Variants in CHN2 observed in about 807,000 individuals in gnomAD.
The protein encoded by CHN2 is beta-chimaerin.
In CHN2, 35 loss-of-function variants were observed where a neutral mutation model predicts 56.3. That is an observed-to-expected ratio of 0.62 (90% confidence interval 0.47 to 0.82). CHN2 has a LOEUF of 0.82. CHN2 is among the 40% of genes least tolerant of loss of function. CHN2 has a pLI of 0.00. For synonymous variants in CHN2, 210 were observed against 212.8 expected (o/e 0.99, Z 0.12); for missense variants, 491 against 580.5 (o/e 0.85, Z 1.58).
intron 1 of CHN2, among the ~76,000 whole-genome samples, chr7:29,255,981 C>T (rs753973402): frequency 1.3e-5 from 2 of 152,196 alleles, no homozygotes; most frequent in Non-Finnish European, 1.5e-5. Context: ...GTAACTTAAT[C>T]CAATTTACCT....
chr7:29,388,799 G>A (rs1801136387), intron 3 of CHN2, among the ~76,000 whole-genome samples: 1 of 152,196 alleles, frequency 6.6e-6, no homozygotes, highest in African/African-American at 2.4e-5. Flanking sequence ...AGACCATTGG[G>A]CTGAAAACAT....
chr7:29,479,785 C>A, intron 6 of CHN2: 1 of 1,206,524 alleles, frequency 8.3e-7, no homozygotes, highest in Non-Finnish European at 1.0e-6. Flanking sequence ...CAGGAGAAAG[C>A]AGGCTGCCGG....
chr7:29,395,297 C>T (rs1367806849), intron 4 of CHN2, among the ~76,000 whole-genome samples: 4 of 152,162 alleles, frequency 2.6e-5, no homozygotes, highest in African/African-American at 9.7e-5. Context: ...CCAGGGAAGG[C>T]AGATCACTTG....
intron 1 of CHN2, among the ~76,000 whole-genome samples, chr7:29,293,209 G>A (rs1792787131): frequency 6.6e-6 from 1 of 152,146 alleles, no homozygotes; most frequent in South Asian, 2.1e-4. Flanking sequence ...CCATTCACTG[G>A]TCCATTAAAT....
chr7:29,253,082 T>C (rs543802198), intron 1 of CHN2, among the ~76,000 whole-genome samples: 1 of 152,274 alleles, frequency 6.6e-6, no homozygotes, highest in East Asian at 1.9e-4. Context: ...AGTTAGAGAC[T>C]GAGTTTCAGT....
intron 1 of CHN2, among the ~76,000 whole-genome samples, chr7:29,210,565 G>A (rs550958890): frequency 3.5e-4 from 53 of 151,940 alleles, no homozygotes; most frequent in South Asian, 2.7e-3. Flanking sequence ...AATACAGACA[G>A]ACAATAAACC....
chr7:29,339,994 G>A (rs543811167), intron 1 of CHN2, among the ~76,000 whole-genome samples: 1 of 152,298 alleles, frequency 6.6e-6, no homozygotes, highest in East Asian at 1.9e-4. Context: ...AAGTGTGACT[G>A]TAAGTGGATA....
At chr7:29,438,428 TA>T (rs1471437589) in intron 6 of CHN2, among the ~76,000 whole-genome samples, 1 of 152,256 alleles carries the variant, frequency 6.6e-6, no homozygotes, top group Non-Finnish European at 1.5e-5. Context: ...AAATCATTTT[TA>T]ATGGCTGCGT....
Position 29,297,226 on chromosome 7 carries a change from G to A in CHN2, c.50-57399G>A, listed in dbSNP as rs1330572049. 2.6e-5 allele frequency among the ~76,000 whole-genome samples: 4 copies of A among 152,290 alleles called. No homozygotes were observed. In the East Asian group the frequency reaches 7.7e-4, roughly 29 times the overall value. ...CAGGTTCCACCCTGGAACAGGAGGG[G>A]CCAGGCTCCTCGCCCCTGCAAAGGG... On this transcript the variant is annotated intron_variant, in intron 1 of 12. Transcript: ENST00000222792.
intron 3 of CHN2, among the ~76,000 whole-genome samples, chr7:29,388,304 T>C (rs1399279431): frequency 6.6e-6 from 1 of 152,146 alleles, no homozygotes; most frequent in Non-Finnish European, 1.5e-5. Flanking sequence ...CAAATAAATA[T>C]TTAAAATATG....
chr7:29,274,969 C>T (rs1791065266), intron 1 of CHN2, among the ~76,000 whole-genome samples: 1 of 152,038 alleles, frequency 6.6e-6, no homozygotes, highest in Non-Finnish European at 1.5e-5. Context: ...GGTGACTATG[C>T]CACCATAGCA....
intron 6 of CHN2, 133 bp downstream of exon 6, chr7:29,400,961 G>A: frequency 2.3e-6 from 2 of 860,436 alleles, no homozygotes; most frequent in African/African-American, 1.7e-5. Context: ...GAATGTTAGG[G>A]CCAAAGGGAC....
Position 29,235,645 on chromosome 7 carries a change from A to T in CHN2, c.49+40655A>T, listed in dbSNP as rs575793787. Reference sequence around the variant, plus strand: ...AGACATGGAATCAATGTAGATGTCTATCAACAGCAAACTGGATAAAGAAAA... The same window carrying T: ...AGACATGGAATCAATGTAGATGTCTTTCAACAGCAAACTGGATAAAGAAAA... On this transcript the variant is annotated intron_variant, in intron 1 of 12. Coordinates refer to ENST00000222792, the MANE Select transcript of CHN2 (RefSeq NM_004067.4). Among the ~76,000 whole-genome samples the T allele has an allele frequency of 5.3e-5, 8 of 152,360 alleles. No homozygotes were observed. The East Asian group carries it at 1.3e-3, about 26-fold the overall frequency.
chr7:29,264,130 G>C (rs902218423), intron 1 of CHN2, among the ~76,000 whole-genome samples: 2 of 146,544 alleles, frequency 1.4e-5, no homozygotes, highest in Non-Finnish European at 3.0e-5. Flanking sequence ...GAGCCCCTCT[G>C]CCCGGCCGCC....
At chr7:29,438,451 G>A (rs1468406255) in intron 6 of CHN2, among the ~76,000 whole-genome samples, 1 of 152,058 alleles carries the variant, frequency 6.6e-6, no homozygotes, top group Non-Finnish European at 1.5e-5. Flanking sequence ...GCAATTCATT[G>A]GATGGATGCA....
chr7:29,250,373 A>G (rs538819092), intron 1 of CHN2, among the ~76,000 whole-genome samples: 1 of 152,362 alleles, frequency 6.6e-6, no homozygotes, highest in African/African-American at 2.4e-5. Context: ...TGATAATTCT[A>G]TAACAGAGTT....
intron 2 of CHN2, among the ~76,000 whole-genome samples, chr7:29,161,256 C>T (rs1281337797): frequency 6.6e-6 from 1 of 152,164 alleles, no homozygotes; most frequent in African/African-American, 2.4e-5. Context: ...GGAAGGACAG[C>T]ATGGTTACTC....
At chr7:29,363,160 C>G (rs956760838) in intron 2 of CHN2, among the ~76,000 whole-genome samples, 5 of 152,104 alleles carry the variant, frequency 3.3e-5, no homozygotes, top group Non-Finnish European at 7.4e-5. Context: ...TGGGCTGATT[C>G]AAGAGGAATA....
intron 6 of CHN2, among the ~76,000 whole-genome samples, chr7:29,451,143 T>C (rs749047504): frequency 6.6e-6 from 1 of 152,156 alleles, no homozygotes; most frequent in African/African-American, 2.4e-5. Flanking sequence ...CCACATTAAC[T>C]TCTGCTTTAG....
Sources: gnomAD v4.1 joint callset for allele counts (sites outside exome capture counted in the v4.1 genomes callset) on GRCh38, gnomAD v4.1.1 for gene constraint, MANE v1.5 for transcripts, NCBI Gene and HGNC (gene_info 2026-07-23, HGNC 2026-07-21) for gene names.